The following IGF2BP1 variants were observed in gnomAD, a reference collection of about 807,000 sequenced individuals.
IGF2BP1 encodes insulin like growth factor 2 mRNA binding protein 1, also known as insulin-like growth factor 2 mRNA-binding protein 1.
Under a neutral mutation model 74.9 loss-of-function variants are expected in IGF2BP1, and 11 were observed. The ratio of observed to expected loss-of-function variants is 0.15; its 90% CI spans 0.09 to 0.24. The LOEUF (loss-of-function observed/expected upper bound fraction) is 0.24. Among genes scored for constraint, IGF2BP1 ranks in the 10% least tolerant of loss-of-function variants. The pLI, the probability that IGF2BP1 is intolerant of heterozygous loss-of-function variation, is 1.00. For missense variants in IGF2BP1, 440 were observed against 757.4 expected, an observed-to-expected ratio of 0.58 and a Z score of 4.92; for synonymous variants, 287 against 281.8, an observed-to-expected ratio of 1.02 and a Z score of -0.18.
At chr17:49,041,598 T>C in intron 8 of IGF2BP1, 98 bp downstream of exon 8, 3 of 1,480,090 alleles carry the variant, frequency 2.0e-6, no homozygotes, top group Non-Finnish European at 2.8e-6. Context: ...TCTTTTAAAA[T>C]GGGTGCTCCT....
chr17:49,040,046 A>G lies in IGF2BP1; in HGVS notation c.773A>G (p.Lys258Arg). 1 of 1,614,134 alleles carries G rather than the reference A, an allele frequency of 6.2e-7. No individual in the cohort carries two copies. The highest frequency in any genetic ancestry group is 8.5e-7 in the Non-Finnish European group (1 of 1,180,034). ...CCTGAGGGCTGCTCCTCCGCTTGTA[A>G]GATGATCTTGGAGATTATGCATAAA... ...STPEGCSSAC[K>R]MILEIMHKEA... The change falls in exon 7 of 15, where the codon AAG (lysine) becomes AGG (arginine). Residue 258 changes from lysine (K) to arginine (R), a missense_variant. Around this residue, in one of 5 missense-constraint regions of IGF2BP1, gnomAD observed 184 missense variants for 273.4 expected, o/e 0.67. Transcript: ENST00000290341.
In IGF2BP1 at chr17:49,026,078, C is replaced by T. The variant is rs193166292; in HGVS notation, c.286-388C>T. ...CCATGTTGATCAGGCTGGTCTCAAA[C>T]GCCTGACCTCAAGTGAGCCACCGTG... On this transcript the variant is annotated intron_variant, in intron 3 of 14. Coordinates refer to ENST00000290341, the MANE Select transcript of IGF2BP1 (RefSeq NM_006546.4). 2.5e-3 allele frequency among the ~76,000 whole-genome samples: 377 copies of T among 152,098 alleles called. 2 individuals are homozygous for T. Among genetic ancestry groups the T allele is most frequent in the African/African-American group, 6.7e-3 (276 of 41,472 alleles).
chr17:48,999,762 T>C (rs565630409), intron 2 of IGF2BP1, among the ~76,000 whole-genome samples: 6 of 151,720 alleles, frequency 4.0e-5, no homozygotes, highest in African/African-American at 1.5e-4. Flanking sequence ...TCTCCCCAGC[T>C]GGATTTTCCA....
At chr17:49,045,119 T>G in intron 12 of IGF2BP1, 54 bp downstream of exon 12, 5 of 1,510,588 alleles carry the variant, frequency 3.3e-6, no homozygotes, top group Non-Finnish European at 4.6e-6. Context: ...AGGTTGGGTA[T>G]TTCCCCTGAG....
intron 2 of IGF2BP1, among the ~76,000 whole-genome samples, chr17:49,009,831 G>A (rs2041594725): frequency 6.6e-6 from 1 of 152,102 alleles, no homozygotes; most frequent in African/African-American, 2.4e-5. Flanking sequence ...TGTAATCCCA[G>A]CACTTTGGGA....
At chr17:49,035,877 C>T (rs533696334) in intron 5 of IGF2BP1, among the ~76,000 whole-genome samples, 80 of 152,320 alleles carry the variant, frequency 5.3e-4, no homozygotes, top group Admixed American at 4.5e-3. Flanking sequence ...AAAGCCCCAA[C>T]TGGCTGGAAG....
At chr17:49,012,281 T>C (rs1205782757) in intron 2 of IGF2BP1, among the ~76,000 whole-genome samples, 1 of 152,204 alleles carries the variant, frequency 6.6e-6, no homozygotes, top group Non-Finnish European at 1.5e-5. Flanking sequence ...ATGGGAATTC[T>C]GTTGGAATGA....
At chr17:49,009,653 G>A (rs2041592485) in intron 2 of IGF2BP1, among the ~76,000 whole-genome samples, 1 of 151,948 alleles carries the variant, frequency 6.6e-6, no homozygotes, top group Admixed American at 6.6e-5. Flanking sequence ...AGGTTGCAGT[G>A]AGCTGAGATC....
chr17:49,039,944 T>G lies in IGF2BP1; in HGVS notation c.684-13T>G. On this transcript the variant is annotated splice_polypyrimidine_tract_variant and intron_variant, in intron 6 of 14. Transcript: ENST00000290341. ...TGGGGACAACTAACCAGCCTTGTCC[T>G]TGTGGCCCCCAGGATAGACGTGCAT... is the stretch of plus-strand genomic sequence containing the variant. 1 of 1,611,998 alleles carries G rather than the reference T, an allele frequency of 6.2e-7. No individual in the cohort carries two copies. The highest frequency in any genetic ancestry group is 8.5e-7 in the Non-Finnish European group (1 of 1,179,874).
At chr17:49,042,099 T>G (rs761919004) in intron 8 of IGF2BP1, 143 bp from the exon 9 acceptor site, 2 of 1,058,862 alleles carry the variant, frequency 1.9e-6, no homozygotes, top group Non-Finnish European at 2.8e-6. Flanking sequence ...CACCAAAGAC[T>G]GGGGTTGCAG....
intron 14 of IGF2BP1, among the ~76,000 whole-genome samples, chr17:49,047,968 A>G (rs1380490625): frequency 6.6e-6 from 1 of 152,096 alleles, no homozygotes; most frequent in Non-Finnish European, 1.5e-5. Flanking sequence ...TCACTGCTTC[A>G]GCCTCCCAAA....
rs1161622471 is a variant in IGF2BP1, at chr17:49,049,299, A to C, written c.1642-53A>C. 2.7e-6 allele frequency: 4 copies of C among 1,499,712 alleles called. No individual in the cohort carries two copies. The African/African-American group carries it at 4.1e-5, about 15-fold the overall frequency. 92.9% of individuals were successfully genotyped at this position (1,499,712 alleles called of 1,614,324 possible). On this transcript the variant is annotated intron_variant, in intron 14 of 14. Transcript: ENST00000290341. ...GACCTGATGACCTCTCTTCCGTGGAAGGCTGTCTCCTTGGAGGTCTCACAC... is the reference window on the plus strand; with the variant it reads ...GACCTGATGACCTCTCTTCCGTGGACGGCTGTCTCCTTGGAGGTCTCACAC...
At chr17:49,004,286 A>ACGAGAGGGTTCCCCTTCAC (rs2041521694) in intron 2 of IGF2BP1, among the ~76,000 whole-genome samples, 2 of 143,690 alleles carry the variant, frequency 1.4e-5, no homozygotes, top group Non-Finnish European at 3.0e-5. Context: ...CAGATACCCC[A>ACGAGAGGGTTCCCCTTCAC]CGAGAGGGTT....
At chr17:49,013,702 T>G (rs941641036) in intron 2 of IGF2BP1, 5 of 152,474 alleles carry the variant, frequency 3.3e-5, no homozygotes, top group African/African-American at 1.2e-4. Context: ...GCCGGCTGCC[T>G]GGCTTCGCCA....
chr17:49,041,270 A>G, intron 7 of IGF2BP1, 108 bp from the exon 8 acceptor site: 1 of 1,183,158 alleles, frequency 8.5e-7, no homozygotes, highest in Non-Finnish European at 1.2e-6. Context: ...AAGTTTTGAG[A>G]TGTTTTACTT....
intron 2 of IGF2BP1, among the ~76,000 whole-genome samples, chr17:49,008,410 A>G (rs532770074): frequency 4.6e-5 from 7 of 152,128 alleles, no homozygotes; most frequent in Non-Finnish European, 1.0e-4. Context: ...TCCTCTCTAT[A>G]TTTATTACCA....
chr17:49,046,096 C>A, intron 13 of IGF2BP1, 75 bp downstream of exon 13: 1 of 1,553,468 alleles, frequency 6.4e-7, no homozygotes, highest in Non-Finnish European at 8.8e-7. Flanking sequence ...GTCTCCTGTA[C>A]TGCTCAACCT....
intron 9 of IGF2BP1, 55 bp downstream of exon 9, chr17:49,042,432 G>T (rs2042062340): frequency 6.2e-7 from 1 of 1,604,994 alleles, no homozygotes; most frequent in African/African-American, 1.3e-5. Context: ...AGCAACAGCA[G>T]CTTGTGGGGT....
rs959333681 is a variant in IGF2BP1 at position 49,050,196 on chromosome 17, C to G, written c.*752C>G. The G allele has an allele frequency of 2.0e-5, 3 of 152,678 alleles. No homozygotes were observed. Among genetic ancestry groups the G allele is most frequent in the African/African-American group, 7.2e-5 (3 of 41,464 alleles). The allele number at this position is 152,678 out of a possible 1,614,324, so 9.5% of individuals were successfully genotyped here. ...TTGGCACAACTGAAATTTCCCCACT[C>G]TGTTGGGGCTTCCCCACCACATTCA... On this transcript the variant is annotated 3_prime_UTR_variant, in exon 15 of 15. Transcript: ENST00000290341.
Sources: allele counts gnomAD v4.1 joint callset (sites outside exome capture counted in the v4.1 genomes callset), GRCh38; gene constraint gnomAD v4.1.1; regional missense constraint gnomAD v4.1.1; transcripts MANE v1.5; gene names NCBI Gene and HGNC (gene_info 2026-07-23, HGNC 2026-07-21).